The following FOXN3 variants were observed in gnomAD, a reference collection of about 807,000 sequenced individuals.
FOXN3 encodes the protein forkhead box N3.
FOXN3 carries 7 observed loss-of-function variants against 38.4 expected under a neutral mutation model. That is an observed-to-expected ratio of 0.18 (90% CI 0.10 to 0.34). The LOEUF (loss-of-function observed/expected upper bound fraction) is 0.34, where lower values mean the gene tolerates loss of function less well. Among genes scored for constraint, FOXN3 ranks in the 10% least tolerant of loss-of-function variants. FOXN3 has a pLI of 1.00. For synonymous variants in FOXN3, 230 were observed against 242.2 expected (o/e 0.95, Z 0.47); for missense variants, 456 against 613.4 (o/e 0.74, Z 2.71).
intron 2 of FOXN3, among the ~76,000 whole-genome samples, chr14:89,357,389 C>G (rs1351147273): frequency 6.6e-6 from 1 of 152,038 alleles, no homozygotes; most frequent in Non-Finnish European, 1.5e-5. Flanking sequence ...GGTGGATCAT[C>G]TGAGGTCAGG....
At position 89,599,501 on chromosome 14, in the gene FOXN3, G is replaced by T. The variant is rs58484408; in HGVS notation, c.-15+19527C>A. On this transcript the variant is annotated intron_variant, in intron 1 of 6. Transcript: ENST00000345097. Reference sequence around the variant, plus strand: ...ACATATTAATCACAGTTATGGTAGGGACCATATTTGATTATCTATTATCTG... The same window carrying T: ...ACATATTAATCACAGTTATGGTAGGTACCATATTTGATTATCTATTATCTG... Among the ~76,000 whole-genome samples the T allele has an allele frequency of 9.0e-3, 1,367 of 152,036 alleles. 20 individuals are homozygous for T. The highest frequency in any genetic ancestry group is 0.031 in the African/African-American group (1,276 of 41,454).
At chr14:89,380,788 C>T (rs2140066514) in intron 2 of FOXN3, among the ~76,000 whole-genome samples, 1 of 152,280 alleles carries the variant, frequency 6.6e-6, no homozygotes, top group East Asian at 1.9e-4. Flanking sequence ...CCCCTGTGGA[C>T]AAGGGGCAAA....
chr14:89,376,387 C>T (rs1333214403), intron 2 of FOXN3, among the ~76,000 whole-genome samples: 1 of 152,142 alleles, frequency 6.6e-6, no homozygotes, highest in Non-Finnish European at 1.5e-5. Flanking sequence ...ATTTATTTGC[C>T]ACCATTAGAG....
Position 89,233,244 on chromosome 14 carries a change from T to A in FOXN3, c.745+47706A>T, listed in dbSNP as rs374301171. 1.6e-4 allele frequency among the ~76,000 whole-genome samples: 24 copies of A among 152,374 alleles called. 1 individual carries two copies. The East Asian group carries it at 3.1e-3, about 20-fold the overall frequency. The stretch of plus-strand genomic sequence containing the variant: ...CCACTCTTGTGATTTAAAGCAAGCC[T>A]GGAAAGCTGAAATCTAACTGAAATA... On this transcript the variant is annotated intron_variant, in intron 4 of 5. Coordinates refer to ENST00000557258, the MANE Select transcript of FOXN3 (RefSeq NM_005197.4).
intron 1 of FOXN3, among the ~76,000 whole-genome samples, chr14:89,447,941 C>A (rs1397628500): frequency 6.6e-6 from 1 of 151,324 alleles, no homozygotes; most frequent in Admixed American, 6.6e-5. Context: ...CCTCAGCCTC[C>A]CAAGTAGCAT....
At chr14:89,285,534 AAAG>A (rs1356044989) in intron 3 of FOXN3, among the ~76,000 whole-genome samples, 4 of 150,710 alleles carry the variant, frequency 2.7e-5, no homozygotes, top group African/African-American at 5.0e-5. Context: ...AAAAAAAAAA[AAAG>A]AGAGAGAGAA....
chr14:89,454,004 TAAGAAG>T (rs79564409), intron 1 of FOXN3, among the ~76,000 whole-genome samples: 38 of 151,444 alleles, frequency 2.5e-4, no homozygotes, highest in African/African-American at 7.8e-4. Flanking sequence ...AATGCCCTCT[TAAGAAG>T]AAGAAGAAGA....
At position 89,526,932 on chromosome 14, in the gene FOXN3, CT is replaced by C. The variant is rs374514688; in HGVS notation, c.-15+92095del. ...GAACAGAATAGAGTCCAGAAATACACTCACATATATTTGGTCAACTAGTTTT... is the reference window on the plus strand; with the variant it reads ...GAACAGAATAGAGTCCAGAAATACACCACATATATTTGGTCAACTAGTTTT... On this transcript the variant is annotated intron_variant, in intron 1 of 6. Transcript: ENST00000345097. Among the ~76,000 whole-genome samples the C allele has an allele frequency of 3.0e-3, 463 of 152,200 alleles. 2 individuals are homozygous for C. Among genetic ancestry groups the C allele is most frequent in the African/African-American group, 0.01 (432 of 41,514 alleles).
intron 4 of FOXN3, among the ~76,000 whole-genome samples, chr14:89,271,684 T>A (rs1886154426): frequency 2.6e-5 from 4 of 152,198 alleles, no homozygotes; most frequent in Non-Finnish European, 5.9e-5. Flanking sequence ...TTTTTAAAAA[T>A]CATAAAGTGA....
intron 3 of FOXN3, among the ~76,000 whole-genome samples, chr14:89,317,644 C>A (rs1309605306): frequency 3.3e-5 from 5 of 152,104 alleles, no homozygotes; most frequent in Non-Finnish European, 7.3e-5. Context: ...TCTGTGGGAT[C>A]TGAAATGGTG....
intron 3 of FOXN3, among the ~76,000 whole-genome samples, chr14:89,344,672 A>G (rs1888713515): frequency 6.6e-6 from 1 of 152,188 alleles, no homozygotes; most frequent in African/African-American, 2.4e-5. Context: ...CCCCCACTAT[A>G]AGTACCAAAA....
rs955739273 is a variant in FOXN3, at chr14:89,391,640, G to A, written c.543+20294C>T. Among the ~76,000 whole-genome samples the A allele has an allele frequency of 3.3e-5, 5 of 152,254 alleles. No homozygotes were observed. In the East Asian group the frequency reaches 9.6e-4, roughly 29 times the overall value. On this transcript the variant is annotated intron_variant, in intron 2 of 5. Transcript: ENST00000557258. ...AGCACCAAGTGCATGAAAAATAAGCGACAGTCCCCAAATACAGCCTGGTTG... is the reference window on the plus strand; with the variant it reads ...AGCACCAAGTGCATGAAAAATAAGCAACAGTCCCCAAATACAGCCTGGTTG...
intron 4 of FOXN3, among the ~76,000 whole-genome samples, chr14:89,193,075 G>GTAC (rs1888003250): frequency 6.6e-6 from 1 of 152,074 alleles, no homozygotes; most frequent in South Asian, 2.1e-4. Flanking sequence ...CTTTCTCAGG[G>GTAC]GGTAGCCAAG....
At chr14:89,593,326 G>C (rs1895996429) in intron 1 of FOXN3, among the ~76,000 whole-genome samples, 1 of 149,590 alleles carries the variant, frequency 6.7e-6, no homozygotes. Flanking sequence ...AAATCAAAAA[G>C]AGATAAGGTT....
chr14:89,538,089 G>T (rs1172109642), intron 1 of FOXN3, among the ~76,000 whole-genome samples: 1 of 152,172 alleles, frequency 6.6e-6, no homozygotes, highest in African/African-American at 2.4e-5. Flanking sequence ...TGATATAAAT[G>T]AGTTACTGCA....
In FOXN3 at chr14:89,609,067, C is replaced by CA. The variant is rs1896338096; in HGVS notation, c.-15+9960_-15+9961insT. Among the ~76,000 whole-genome samples the CA allele has an allele frequency of 9.2e-5, 14 of 152,192 alleles. No homozygotes were observed. The South Asian group carries it at 2.9e-3, about 32-fold the overall frequency. Reference sequence around the variant, plus strand: ...GGCTGGGAAGCTAGAAGGACCACAGCGAGTTCAGGGGTGAAGAGACACTGA... The same window carrying CA: ...GGCTGGGAAGCTAGAAGGACCACAGCAGAGTTCAGGGGTGAAGAGACACTGA... On this transcript the variant is annotated intron_variant, in intron 1 of 6. Transcript: ENST00000345097.
chr14:89,259,341 G>A (rs966506021), intron 4 of FOXN3, among the ~76,000 whole-genome samples: 8 of 152,166 alleles, frequency 5.3e-5, no homozygotes, highest in Non-Finnish European at 8.8e-5. Context: ...TAATGAGTCA[G>A]TTTTAATCTT....
intron 2 of FOXN3, among the ~76,000 whole-genome samples, chr14:89,400,645 T>C (rs1352831122): frequency 2.0e-5 from 3 of 152,082 alleles, no homozygotes; most frequent in Non-Finnish European, 4.4e-5. Flanking sequence ...CCTTTAGACA[T>C]AACATTCTCC....
chr14:89,527,112 G>A (rs1337867235), intron 1 of FOXN3, among the ~76,000 whole-genome samples: 2 of 151,750 alleles, frequency 1.3e-5, no homozygotes, highest in African/African-American at 4.8e-5. Flanking sequence ...AGGAGAAACA[G>A]GATGAGGGGG....
Sources: gnomAD v4.1 joint callset for allele counts (sites outside exome capture counted in the v4.1 genomes callset) on GRCh38, gnomAD v4.1.1 for gene constraint, MANE v1.5 for transcripts, NCBI Gene and HGNC (gene_info 2026-07-23, HGNC 2026-07-21) for gene names.